DLGAP2: variants seen among roughly 807,000 people sequenced by gnomAD.
DLGAP2 encodes the protein DLG associated protein 2.
DLGAP2 carries 26 observed loss-of-function variants against 100.3 expected under a neutral mutation model. The ratio of observed to expected loss-of-function variants is 0.26; its 90% CI spans 0.19 to 0.36. The LOEUF is 0.36. Among genes scored for constraint, DLGAP2 ranks in the 10% least tolerant of loss-of-function variants. The pLI is 1.00. For synonymous variants in DLGAP2, 886 were observed against 630.1 expected (o/e 1.41, Z -6.08); for missense variants, 1,858 against 1,453.2 (o/e 1.28, Z -4.53).
At chr8:1,427,438 A>C (rs1797267008) in intron 3 of DLGAP2, among the ~76,000 whole-genome samples, 1 of 152,244 alleles carries the variant, frequency 6.6e-6, no homozygotes, top group African/African-American at 2.4e-5. Context: ...CTCATAATGT[A>C]ATGCAGTTGA....
chr8:1,365,426 A>G (rs1321351859), intron 3 of DLGAP2, among the ~76,000 whole-genome samples: 1 of 152,126 alleles, frequency 6.6e-6, no homozygotes, highest in Non-Finnish European at 1.5e-5. Flanking sequence ...TGGAGGGGGA[A>G]GGGGCAGATG....
intron 6 of DLGAP2, among the ~76,000 whole-genome samples, chr8:1,567,026 C>T (rs941093737): frequency 1.5e-4 from 23 of 152,162 alleles, no homozygotes; most frequent in African/African-American, 4.8e-4. Context: ...GCTTGTGGGA[C>T]GAGTGGCTGA....
At chr8:1,364,515 G>T (rs1471229697) in intron 3 of DLGAP2, among the ~76,000 whole-genome samples, 2 of 147,466 alleles carry the variant, frequency 1.4e-5, no homozygotes, top group African/African-American at 5.0e-5. Context: ...GGGGGGTGCA[G>T]CGAAGCAGAC....
chr8:1,509,875 A>G (rs1358959633), intron 4 of DLGAP2, among the ~76,000 whole-genome samples: 1 of 152,210 alleles, frequency 6.6e-6, no homozygotes, highest in Non-Finnish European at 1.5e-5. Flanking sequence ...GTAACCCAGC[A>G]TCACCTGTCC....
intron 4 of DLGAP2, among the ~76,000 whole-genome samples, chr8:1,537,247 G>T (rs73672801): frequency 1.3e-5 from 2 of 152,048 alleles, no homozygotes; most frequent in Non-Finnish European, 2.9e-5. Context: ...TTGCGTGTGC[G>T]TGCAAGTTTG....
chr8:1,424,279 T>C (rs1797179948), intron 3 of DLGAP2, among the ~76,000 whole-genome samples: 1 of 152,224 alleles, frequency 6.6e-6, no homozygotes, highest in Non-Finnish European at 1.5e-5. Flanking sequence ...AGTCTGCATC[T>C]AACTCTTCAA....
intron 2 of DLGAP2, among the ~76,000 whole-genome samples, chr8:1,159,968 G>C (rs964358038): frequency 6.6e-6 from 1 of 152,146 alleles, no homozygotes; most frequent in Non-Finnish European, 1.5e-5. Flanking sequence ...CACCTGAAAG[G>C]TCTTGGCGTT....
At chr8:980,368 G>C (rs1162352977) in intron 2 of DLGAP2, among the ~76,000 whole-genome samples, 1 of 152,196 alleles carries the variant, frequency 6.6e-6, no homozygotes, top group Non-Finnish European at 1.5e-5. Flanking sequence ...GATTGCAAAA[G>C]CTCAGCAGTG....
intron 3 of DLGAP2, among the ~76,000 whole-genome samples, chr8:1,366,596 G>C (rs1211514868): frequency 6.6e-6 from 1 of 152,178 alleles, no homozygotes; most frequent in East Asian, 1.9e-4. Context: ...CGGCAGAGCA[G>C]TGTACAGGGG....
intron 8 of DLGAP2, among the ~76,000 whole-genome samples, chr8:1,664,655 G>C (rs1441165422): frequency 1.3e-5 from 2 of 152,202 alleles, no homozygotes; most frequent in African/African-American, 4.8e-5. Context: ...TATGGTAACA[G>C]CAACCATATG....
chr8:1,667,745 G>A lies in DLGAP2; in HGVS notation c.1811-584G>A, dbSNP rs17064207. 2.2e-3 allele frequency among the ~76,000 whole-genome samples: 342 copies of A among 152,166 alleles called. 1 individual carries two copies. The highest frequency in any genetic ancestry group is 7.7e-3 in the African/African-American group (319 of 41,482). On this transcript the variant is annotated intron_variant, in intron 8 of 14. Transcript: ENST00000637795. ...ACCTATGCATAGTTTAGCATCCGGCGTGCTTCTGAACCTAGTGTGATAGAA... is the reference window on the plus strand; with the variant it reads ...ACCTATGCATAGTTTAGCATCCGGCATGCTTCTGAACCTAGTGTGATAGAA...
At chr8:1,100,507 G>GGTGTGTGTGTGTGTGT (rs112136851) in intron 2 of DLGAP2, among the ~76,000 whole-genome samples, 2 of 151,078 alleles carry the variant, frequency 1.3e-5, no homozygotes, top group Non-Finnish European at 3.0e-5. Context: ...TAGAGTTTGT[G>GGTGTGTGTGTGTGTGT]GTGTGTGTGT....
At chr8:1,201,668 G>C (rs1167444443) in intron 2 of DLGAP2, among the ~76,000 whole-genome samples, 1 of 152,228 alleles carries the variant, frequency 6.6e-6, no homozygotes, top group Non-Finnish European at 1.5e-5. Context: ...CTGTTTGTCA[G>C]ATGCCTGTGA....
At chr8:1,573,945 C>A (rs989333397) in intron 6 of DLGAP2, among the ~76,000 whole-genome samples, 5 of 152,142 alleles carry the variant, frequency 3.3e-5, no homozygotes, top group African/African-American at 1.2e-4. Flanking sequence ...AGGTAACTTA[C>A]AAGTGTAAAG....
chr8:866,180 C>A (rs1797490848), intron 1 of DLGAP2, among the ~76,000 whole-genome samples: 2 of 152,152 alleles, frequency 1.3e-5, no homozygotes, highest in Non-Finnish European at 2.9e-5. Flanking sequence ...CTCTCACATA[C>A]CCTCAGCACC....
At chr8:775,239 G>T (rs975857453) in intron 1 of DLGAP2, among the ~76,000 whole-genome samples, 16 of 152,078 alleles carry the variant, frequency 1.1e-4, no homozygotes, top group Non-Finnish European at 2.2e-4. Flanking sequence ...TCAGCTTAAG[G>T]AGATTTTGGG....
intron 3 of DLGAP2, among the ~76,000 whole-genome samples, chr8:1,290,262 C>T (rs920477210): frequency 3.9e-5 from 6 of 152,216 alleles, no homozygotes; most frequent in Non-Finnish European, 7.3e-5. Context: ...TCACGTCCGT[C>T]GCGCTCCTGA....
rs1296517162 is a variant in DLGAP2, at chr8:912,898, A to ACCGTGGTGCCCGCCTTCCTCT, written c.73+4933_73+4934insCGTGGTGCCCGCCTTCCTCTC. On this transcript the variant is annotated intron_variant, in intron 2 of 14. Transcript: ENST00000637795. ...CCTCTCTGTGGAGCTGGATCCCCGC[A>ACCGTGGTGCCCGCCTTCCTCT]CTGTGGTGCCCGCCTTCCTCTCTGT... is the stretch of plus-strand genomic sequence containing the variant. 3.2e-4 allele frequency among the ~76,000 whole-genome samples: 46 copies of ACCGTGGTGCCCGCCTTCCTCT among 143,430 alleles called. 1 individual carries two copies. Among genetic ancestry groups the ACCGTGGTGCCCGCCTTCCTCT allele is most frequent in the African/African-American group, 1.1e-3 (42 of 38,326 alleles). The allele number at this position is 143,430 out of a possible 152,430, so 94.1% of individuals were successfully genotyped here.
At chr8:1,592,123 G>T (rs1796310674) in intron 6 of DLGAP2, among the ~76,000 whole-genome samples, 1 of 152,180 alleles carries the variant, frequency 6.6e-6, no homozygotes, top group African/African-American at 2.4e-5. Context: ...TGGGTGCAGA[G>T]CAAGGTGCCC....
Sources: allele counts gnomAD v4.1 joint callset (sites outside exome capture counted in the v4.1 genomes callset), GRCh38; gene constraint gnomAD v4.1.1; transcripts MANE v1.5; gene names NCBI Gene and HGNC (gene_info 2026-07-23, HGNC 2026-07-21).